Variants in FHIT observed in about 807,000 individuals in gnomAD.
FHIT encodes the protein bis(5'-adenosyl)-triphosphatase.
A neutral mutation model predicts 17.9 loss-of-function variants in FHIT; 19 were observed. That is an observed-to-expected ratio of 1.06 (90% confidence interval 0.74 to 1.56). The LOEUF (loss-of-function observed/expected upper bound fraction) is 1.56. Among genes scored for constraint, FHIT ranks in the 40% most tolerant of loss-of-function variants. The probability of loss-of-function intolerance (pLI) is 0.00; values close to 1 mark genes in which losing one functional copy is unlikely to be tolerated. For synonymous variants in FHIT, 81 were observed against 69.7 expected, an observed-to-expected ratio of 1.16 and a Z score of -0.81; for missense variants, 248 against 189.2, an observed-to-expected ratio of 1.31 and a Z score of -1.82.
In FHIT at chr3:60,663,153, G is replaced by GTGATATAT. The variant is rs57146494; in HGVS notation, c.-17-126175_-17-126174insATATATCA. Among the ~76,000 whole-genome samples the GTGATATAT allele has an allele frequency of 2.0e-3, 156 of 77,784 alleles. 19 individuals carry two copies. Among genetic ancestry groups the GTGATATAT allele is most frequent in the Middle Eastern group, 7.6e-3 (1 of 132 alleles). The allele number at this position is 77,784 out of a possible 152,430, so 51.0% of individuals were successfully genotyped here. A position where few individuals can be genotyped will look rare whatever the true frequency, so the allele number is the denominator to read the frequency against. ...CTATATAGCCCTAATATTGGGTGGA[G>GTGATATAT]ATATATATCTCTTTAATGTTGGGTT... On this transcript the variant is annotated intron_variant, in intron 4 of 9. Coordinates refer to ENST00000492590, the MANE Select transcript of FHIT (RefSeq NM_002012.4).
intron 5 of FHIT, among the ~76,000 whole-genome samples, chr3:60,347,280 T>C (rs79968565): frequency 0.012 from 1,802 of 152,260 alleles, 40 homozygotes; most frequent in African/African-American, 0.041. Context: ...ATATAAAGAA[T>C]ACAATGATGT....
At chr3:60,018,858 T>A (rs145777769) in intron 5 of FHIT, among the ~76,000 whole-genome samples, 1,555 of 152,142 alleles carry the variant, frequency 0.01, 26 homozygotes, top group African/African-American at 0.035. Context: ...CGGGCATCTG[T>A]AATCCCAGCT....
In FHIT at chr3:60,265,449, A is replaced by C. The variant is rs545347929; in HGVS notation, c.104-251297T>G. Among the ~76,000 whole-genome samples, 23 of 152,158 alleles carry C rather than the reference A, an allele frequency of 1.5e-4. No individual in the cohort carries two copies. The South Asian group carries it at 4.8e-3, about 32-fold the overall frequency. Reference sequence around the variant, plus strand: ...AATAGATCAAAGACCTAAGAGTTTAAAGTATAAAACTTAGAAGAAAACATA... The same window carrying C: ...AATAGATCAAAGACCTAAGAGTTTACAGTATAAAACTTAGAAGAAAACATA... On this transcript the variant is annotated intron_variant, in intron 5 of 9. Coordinates refer to ENST00000492590, the MANE Select transcript of FHIT (RefSeq NM_002012.4).
At chr3:60,427,465 T>C in intron 5 of FHIT, among the ~76,000 whole-genome samples, 1 of 152,096 alleles carries the variant, frequency 6.6e-6, no homozygotes, top group East Asian at 1.9e-4. Context: ...CCAGCCTAAA[T>C]ATTCCAGCCC....
chr3:59,871,942 C>G (rs754741759), intron 8 of FHIT, among the ~76,000 whole-genome samples: 5 of 152,156 alleles, frequency 3.3e-5, no homozygotes, highest in Non-Finnish European at 5.9e-5. Context: ...TAATACACAT[C>G]TAAACAGCGG....
chr3:60,611,895 G>A (rs1234130888), intron 4 of FHIT, among the ~76,000 whole-genome samples: 1 of 152,154 alleles, frequency 6.6e-6, no homozygotes, highest in Non-Finnish European at 1.5e-5. Context: ...CAGCTGGGAG[G>A]ACATTTTGGC....
chr3:61,108,476 T>C (rs1392160444), intron 2 of FHIT, among the ~76,000 whole-genome samples: 2 of 152,164 alleles, frequency 1.3e-5, no homozygotes, highest in African/African-American at 4.8e-5. Context: ...ACAGTACACA[T>C]AATAAATGAA....
At chr3:59,987,024 A>C (rs191193116) in intron 7 of FHIT, among the ~76,000 whole-genome samples, 2,253 of 117,454 alleles carry the variant, frequency 0.019, 56 homozygotes, top group African/African-American at 0.065. Flanking sequence ...AAAAAATAAA[A>C]ATATAAAATA....
chr3:59,968,340 G>C (rs1708024499), intron 7 of FHIT, among the ~76,000 whole-genome samples: 1 of 151,912 alleles, frequency 6.6e-6, no homozygotes, highest in Non-Finnish European at 1.5e-5. Flanking sequence ...GCCAGAAAAA[G>C]GGCAGAAACC....
rs575090146 is a variant in FHIT at position 61,047,036 on chromosome 3, A to G, written c.-163-4937T>C. Among the ~76,000 whole-genome samples the G allele has an allele frequency of 2.5e-3, 381 of 152,364 alleles. 1 individual carries two copies. Among genetic ancestry groups the G allele is most frequent in the African/African-American group, 8.8e-3 (366 of 41,586 alleles). On this transcript the variant is annotated intron_variant, in intron 2 of 9. Transcript: ENST00000492590. ...TTATGACAAACCCACAGCCAATATC[A>G]TACCGAATGGGCAAAAGCTAGAAGC...
intron 5 of FHIT, among the ~76,000 whole-genome samples, chr3:60,497,637 G>A (rs1474755006): frequency 1.3e-5 from 2 of 152,108 alleles, no homozygotes; most frequent in Non-Finnish European, 2.9e-5. Flanking sequence ...GATTCATCCA[G>A]GATCACAGGA....
chr3:59,860,714 A>G (rs1702368000), intron 8 of FHIT, among the ~76,000 whole-genome samples: 1 of 152,232 alleles, frequency 6.6e-6, no homozygotes, highest in East Asian at 1.9e-4. Context: ...CTACATAAAT[A>G]GTTCTAATAC....
In FHIT at chr3:59,935,983, C is replaced by G. The variant is rs770703158; in HGVS notation, c.280-13569G>C. Reference sequence around the variant, plus strand: ...TCCCCACTGAAAAGTATCTTTTTACCAAAATGTAAGTTTGAAGTTCTTGTG... The same window carrying G: ...TCCCCACTGAAAAGTATCTTTTTACGAAAATGTAAGTTTGAAGTTCTTGTG... On this transcript the variant is annotated intron_variant, in intron 7 of 9. Coordinates refer to ENST00000492590, the MANE Select transcript of FHIT (RefSeq NM_002012.4). Among the ~76,000 whole-genome samples the G allele has an allele frequency of 1.5e-4, 23 of 152,026 alleles. 1 individual carries two copies. Among genetic ancestry groups the G allele is most frequent in the Non-Finnish European group, 2.9e-4 (20 of 68,016 alleles).
intron 3 of FHIT, among the ~76,000 whole-genome samples, chr3:60,931,620 T>C (rs1189095129): frequency 1.3e-5 from 2 of 152,118 alleles, no homozygotes; most frequent in African/African-American, 4.8e-5. Context: ...AACTCCATAT[T>C]AGTCAAACTA....
chr3:60,521,130 T>C (rs1184573334), intron 5 of FHIT, among the ~76,000 whole-genome samples: 1 of 152,176 alleles, frequency 6.6e-6, no homozygotes, highest in East Asian at 1.9e-4. Flanking sequence ...TTTTTTTAAA[T>C]TCCATTTAAG....
intron 2 of FHIT, among the ~76,000 whole-genome samples, chr3:61,112,850 A>AT (rs1553845223): frequency 6.6e-6 from 1 of 152,200 alleles, no homozygotes; most frequent in Non-Finnish European, 1.5e-5. Context: ...TGAGGCATTA[A>AT]TGAGACCATG....
chr3:60,899,936 A>G (rs187263375), intron 3 of FHIT, among the ~76,000 whole-genome samples: 5 of 152,272 alleles, frequency 3.3e-5, no homozygotes, highest in Non-Finnish European at 7.4e-5. Context: ...CTCTCTGAAC[A>G]CTGCATACCG....
At chr3:59,754,992 T>C (rs1701134321) in intron 8 of FHIT, among the ~76,000 whole-genome samples, 1 of 152,116 alleles carries the variant, frequency 6.6e-6, no homozygotes, top group Non-Finnish European at 1.5e-5. Context: ...TGGGGCAGCC[T>C]GGGTTTGGGG....
Position 59,788,881 on chromosome 3 carries a change from G to GTTTTTTTTTT in FHIT, c.349-36570_349-36561dup, listed in dbSNP as rs60361063. 7.1e-4 allele frequency among the ~76,000 whole-genome samples: 62 copies of GTTTTTTTTTT among 86,836 alleles called. 10 individuals carry two copies. Among genetic ancestry groups the GTTTTTTTTTT allele is most frequent in the Admixed American group, 3.2e-3 (18 of 5,702 alleles). 57.0% of individuals were successfully genotyped at this position (86,836 alleles called of 152,430 possible). On this transcript the variant is annotated intron_variant, in intron 8 of 9. Coordinates refer to ENST00000492590, the MANE Select transcript of FHIT (RefSeq NM_002012.4). ...ACCACGTTCTTTGCTGAGTTCATAT[G>GTTTTTTTTTT]TTTTTTTTTTTTACCCCATCTCCAA...
Sources: gnomAD v4.1 joint callset for allele counts (sites outside exome capture counted in the v4.1 genomes callset) on GRCh38, gnomAD v4.1.1 for gene constraint, MANE v1.5 for transcripts, NCBI Gene and HGNC (gene_info 2026-07-23, HGNC 2026-07-21) for gene names.